The following HERC2 variants were observed in gnomAD, a reference collection of about 807,000 sequenced individuals.
HERC2 encodes the protein E3 ubiquitin-protein ligase HERC2.
Under a neutral mutation model 537.7 loss-of-function variants are expected in HERC2, and 102 were observed. That is an observed-to-expected ratio of 0.19 (90% CI 0.16 to 0.22). HERC2 has a LOEUF of 0.22. Among genes scored for constraint, HERC2 ranks in the 10% least tolerant of loss-of-function variants. The probability of loss-of-function intolerance (pLI) is 1.00; values close to 1 mark genes in which losing one functional copy is unlikely to be tolerated. For synonymous variants in HERC2, 2,224 were observed against 2,466.2 expected, an observed-to-expected ratio of 0.90 and a Z score of 2.91; for missense variants, 4,236 against 6,198.2, an observed-to-expected ratio of 0.68 and a Z score of 10.63.
In HERC2 at chr15:28,164,251, A is replaced by G. The variant is rs7179997; in HGVS notation, c.10555-966T>C. Among the ~76,000 whole-genome samples the G allele has an allele frequency of 3.2e-3, 485 of 152,256 alleles. 3 individuals are homozygous for G. Among genetic ancestry groups the G allele is most frequent in the African/African-American group, 0.011 (460 of 41,544 alleles). On this transcript the variant is annotated intron_variant, in intron 68 of 92. Transcript: ENST00000261609. ...GCAAATCCAGTGCAACTCTTTCCAC[A>G]AACATAAACAGGCTGGGGGAAGGAC...
In HERC2 at chr15:28,143,922, A is replaced by G; in HGVS notation, c.11369T>C (p.Ile3790Thr). The change falls in exon 74 of 93, where the codon ATT becomes ACT. Residue 3790 changes from isoleucine (I) to threonine (T), a missense_variant. Physicochemically the swap from Ile to Thr is moderately conservative, Grantham distance 89 (BLOSUM62 -1). Transcript: ENST00000261609. Reference sequence around the variant, plus strand: ...TTCTCCAAGCAGCCTATTTATGTTAATTGACTGCCCAAATTCAGTTGTAAG... The same window carrying G: ...TTCTCCAAGCAGCCTATTTATGTTAGTTGACTGCCCAAATTCAGTTGTAAG... ...KLLTTEFGQS[I>T]NINRLLGEND... is the part of the protein sequence containing the mutation. 1.2e-6 allele frequency: 2 copies of G among 1,614,142 alleles called. No homozygotes were observed. Among genetic ancestry groups the G allele is most frequent in the Non-Finnish European group, 1.7e-6 (2 of 1,180,016 alleles).
chr15:28,279,651 A>ACACACACACACACACACAC (rs2075971136), intron 5 of HERC2, among the ~76,000 whole-genome samples: 5 of 150,944 alleles, frequency 3.3e-5, no homozygotes, highest in African/African-American at 9.8e-5. Flanking sequence ...ACACACACAC[A>ACACACACACACACACACAC]AATTGTTTTT....
chr15:28,130,441 G>A (rs573904501), intron 82 of HERC2, 62 bp downstream of exon 82: 3 of 1,576,178 alleles, frequency 1.9e-6, no homozygotes, highest in Middle Eastern at 1.7e-4. Context: ...ATGAAAAGGT[G>A]GTGCACATAC....
chr15:28,311,757 G>A (rs1428190359), intron 2 of HERC2, among the ~76,000 whole-genome samples: 1 of 152,106 alleles, frequency 6.6e-6, no homozygotes, highest in Non-Finnish European at 1.5e-5. Context: ...AGAGAGGGGA[G>A]ACCCCTGCCC....
Position 28,246,783 on chromosome 15 carries a change from T to G in HERC2, c.3350A>C (p.His1117Pro), listed in dbSNP as rs1199741661. The change falls in exon 22 of 93, where the codon CAC becomes CCC. Residue 1117 changes from histidine (H) to proline (P), a missense_variant. Physicochemically the swap from His to Pro is moderately conservative, Grantham distance 77. Coordinates refer to ENST00000261609, the MANE Select transcript of HERC2 (RefSeq NM_004667.6). ...CACAATGTAAGCCACCTCCGCGAAG[T>G]GCCGCCAGCTGGTAGAAGCAATGCT... ...AASIASTSWR[H>P]FAEVAYIVEG... is the part of the protein sequence containing the mutation. The G allele has an allele frequency of 6.2e-7, 1 of 1,607,164 alleles. No individual in the cohort carries two copies. Among genetic ancestry groups the G allele is most frequent in the Non-Finnish European group, 8.5e-7 (1 of 1,177,104 alleles).
chr15:28,245,578 C>T (rs1339088939), intron 23 of HERC2, among the ~76,000 whole-genome samples: 20 of 79,336 alleles, frequency 2.5e-4, no homozygotes, highest in South Asian at 1.1e-3. Context: ...CACACACACA[C>T]ACACACACAC....
chr15:28,286,336 A>G (rs1474135118), intron 4 of HERC2, among the ~76,000 whole-genome samples: 1 of 152,130 alleles, frequency 6.6e-6, no homozygotes, highest in Non-Finnish European at 1.5e-5. Flanking sequence ...GTACAGAACA[A>G]TATATATACA....
At chr15:28,312,523 C>G (rs1478181928) in intron 2 of HERC2, among the ~76,000 whole-genome samples, 1 of 152,052 alleles carries the variant, frequency 6.6e-6, no homozygotes, top group Admixed American at 6.5e-5. Flanking sequence ...CCCAGCTACT[C>G]AGGAGGCTAC....
chr15:28,225,720 GA>G lies in HERC2; in HGVS notation c.5464+2497del, dbSNP rs1189268563. On this transcript the variant is annotated intron_variant, in intron 35 of 92. Coordinates refer to ENST00000261609, the MANE Select transcript of HERC2 (RefSeq NM_004667.6). ...TCAAAAAAAAAAAAAAAAAAAGAAAGAAAAAAAAGAAGATGCAAATAACTAA... is the reference window on the plus strand; with the variant it reads ...TCAAAAAAAAAAAAAAAAAAAGAAAGAAAAAAAGAAGATGCAAATAACTAA... Among the ~76,000 whole-genome samples the G allele has an allele frequency of 3.6e-5, 5 of 140,698 alleles. No individual in the cohort carries two copies. The South Asian group carries it at 9.1e-4, about 26-fold the overall frequency. The allele number at this position is 140,698 out of a possible 152,430, so 92.3% of individuals were successfully genotyped here. A position where few individuals can be genotyped will look rare whatever the true frequency, so the allele number is the denominator to read the frequency against.
intron 69 of HERC2, among the ~76,000 whole-genome samples, chr15:28,154,133 A>G (rs940243682): frequency 1.3e-5 from 2 of 152,266 alleles, no homozygotes; most frequent in Non-Finnish European, 2.9e-5. Context: ...AAATGAGAGA[A>G]TACATCATAA....
intron 5 of HERC2, among the ~76,000 whole-genome samples, chr15:28,278,364 A>AC (rs1227761703): frequency 1.3e-5 from 2 of 151,904 alleles, no homozygotes; most frequent in African/African-American, 2.4e-5. Flanking sequence ...CAACAGTGAG[A>AC]CCCCCATGTC....
rs562691284 is a variant in HERC2 at position 28,296,487 on chromosome 15, C to A, written c.187+2915G>T. Among the ~76,000 whole-genome samples, 16 of 152,102 alleles carry A rather than the reference C, an allele frequency of 1.1e-4. No individual in the cohort carries two copies. In the East Asian group the frequency reaches 2.5e-3, roughly 24 times the overall value. ...GACTCCCTCTCGAGAGGAAAAAACA[C>A]ACAAAAAATATTCATCAAATGTAAT... On this transcript the variant is annotated intron_variant, in intron 3 of 92. Transcript: ENST00000261609.
chr15:28,158,950 A>C (rs1596082626), intron 69 of HERC2, among the ~76,000 whole-genome samples: 1 of 152,144 alleles, frequency 6.6e-6, no homozygotes, highest in East Asian at 1.9e-4. Flanking sequence ...AAAATCTCTC[A>C]GCATTTGCTT....
At position 28,142,293 on chromosome 15, in the gene HERC2, C is replaced by T. The variant is rs780939874; in HGVS notation, c.11645G>A (p.Arg3882His). The change falls in exon 76 of 93, where the codon CGT becomes CAT. Residue 3882 changes from arginine to histidine, a missense_variant. This residue lies in a region of HERC2 where 156 missense variants were observed against 172.3 expected (regional missense o/e 0.91). Transcript: ENST00000261609. ...AWFRRYCMAS[R>H]VAVALDKRTP... ...TCTTTTGTCAAGGGCCACAGCAACACGGGAGGCCATGCAGTACCTCCGGAA... is the reference window on the plus strand; with the variant it reads ...TCTTTTGTCAAGGGCCACAGCAACATGGGAGGCCATGCAGTACCTCCGGAA... 1.9e-5 allele frequency: 31 copies of T among 1,614,168 alleles called. No homozygotes were observed. Among genetic ancestry groups the T allele is most frequent in the East Asian group, 1.1e-4 (5 of 44,886 alleles).
chr15:28,315,270 C>CCACA (rs1567157923), intron 2 of HERC2, among the ~76,000 whole-genome samples: 1 of 152,204 alleles, frequency 6.6e-6, no homozygotes, highest in African/African-American at 2.4e-5. Context: ...GAATTCACAC[C>CCACA]CACACTCGCC....
chr15:28,231,521 G>A (rs893878048), intron 30 of HERC2, among the ~76,000 whole-genome samples: 1 of 152,040 alleles, frequency 6.6e-6, no homozygotes, highest in Non-Finnish European at 1.5e-5. Context: ...CTCTAGACTC[G>A]CTCAGGTGCG....
intron 52 of HERC2, among the ~76,000 whole-genome samples, chr15:28,193,844 TAA>T (rs1897080953): frequency 6.6e-6 from 1 of 151,832 alleles, no homozygotes; most frequent in East Asian, 1.9e-4. Flanking sequence ...AAAGGAGAAA[TAA>T]AGACATTTTC....
In HERC2 at chr15:28,182,396, C is replaced by G. The variant is rs780228857; in HGVS notation, c.8937+5G>C. 3 of 1,607,956 alleles carry G rather than the reference C, an allele frequency of 1.9e-6. No individual in the cohort carries two copies. Among genetic ancestry groups the G allele is most frequent in the African/African-American group, 1.3e-5 (1 of 74,694 alleles). On this transcript the variant is annotated splice_donor_5th_base_variant and intron_variant, in intron 57 of 92. Transcript: ENST00000261609. ...CCCTGCTGGGTCCCAGGGAGCAGGC[C>G]GTACCTTGGAGCCTTTCAGCCCGCC...
Position 28,198,459 on chromosome 15 carries a change from T to TA in HERC2, c.7929dup (p.Lys2644Ter), listed in dbSNP as rs1897565455. The TA allele has an allele frequency of 6.2e-7, 1 of 1,613,912 alleles. No individual in the cohort carries two copies. The highest frequency in any genetic ancestry group is 1.7e-5 in the Admixed American group (1 of 59,998). On this transcript the variant is annotated frameshift_variant, in exon 50 of 93. Transcript: ENST00000261609. LOFTEE classifies it high-confidence loss of function. ...GTGACAGAGGCTTTGACCCGCACTTTATCACCAATCTTGATGTGAGAAGAA... is the reference window on the plus strand; with the variant it reads ...GTGACAGAGGCTTTGACCCGCACTTTAATCACCAATCTTGATGTGAGAAGAA...
Sources: allele counts gnomAD v4.1 joint callset (sites outside exome capture counted in the v4.1 genomes callset), GRCh38; gene constraint gnomAD v4.1.1; regional missense constraint gnomAD v4.1.1; transcripts MANE v1.5; gene names NCBI Gene and HGNC (gene_info 2026-07-23, HGNC 2026-07-21).